The following AGMO variants were observed in gnomAD, a reference collection of about 807,000 sequenced individuals.
AGMO encodes alkylglycerol monooxygenase.
AGMO carries 75 observed loss-of-function variants against 60.2 expected under a neutral mutation model. The observed-to-expected ratio is 1.25, with a 90% CI of 1.03 to 1.51. AGMO has a LOEUF of 1.51. AGMO is among the 40% of genes most tolerant of loss of function. The probability of loss-of-function intolerance (pLI) is 0.00; values close to 1 mark genes in which losing one functional copy is unlikely to be tolerated. For synonymous variants in AGMO, 261 were observed against 177.1 expected (o/e 1.47, Z -3.76); for missense variants, 763 against 525.5 (o/e 1.45, Z -4.42).
chr7:15,242,745 G>A (rs956437114), intron 12 of AGMO, among the ~76,000 whole-genome samples: 7 of 151,594 alleles, frequency 4.6e-5, no homozygotes, highest in Admixed American at 1.3e-4. Flanking sequence ...AAAACTTCAG[G>A]GGAAAACACA....
intron 12 of AGMO, among the ~76,000 whole-genome samples, chr7:15,297,622 T>C: frequency 6.6e-6 from 1 of 152,280 alleles, no homozygotes; most frequent in South Asian, 2.1e-4. Context: ...AATATCTAAC[T>C]AGCTTAATCC....
At chr7:15,461,208 C>G (rs1782132429) in intron 3 of AGMO, among the ~76,000 whole-genome samples, 1 of 151,984 alleles carries the variant, frequency 6.6e-6, no homozygotes, top group Admixed American at 6.6e-5. Flanking sequence ...CTCATTATCA[C>G]AATGCTGTAT....
chr7:15,561,053 T>A (rs953465626), intron 1 of AGMO, among the ~76,000 whole-genome samples: 1 of 152,198 alleles, frequency 6.6e-6, no homozygotes, highest in Non-Finnish European at 1.5e-5. Flanking sequence ...GAACTCTCAA[T>A]AACATATTCT....
chr7:15,212,219 C>G (rs538986271), intron 12 of AGMO, among the ~76,000 whole-genome samples: 1 of 150,258 alleles, frequency 6.7e-6, no homozygotes, highest in African/African-American at 2.4e-5. Context: ...TCTATCCATT[C>G]ACTATTTATT....
chr7:15,414,595 TCCTTG>T (rs1291798889), intron 5 of AGMO, among the ~76,000 whole-genome samples: 1 of 151,104 alleles, frequency 6.6e-6, no homozygotes, highest in Non-Finnish European at 1.5e-5. Context: ...ACCATCTAGC[TCCTTG>T]CCAGAGCAAT....
intron 3 of AGMO, among the ~76,000 whole-genome samples, chr7:15,475,068 A>T (rs1782558060): frequency 6.6e-6 from 1 of 152,178 alleles, no homozygotes; most frequent in Non-Finnish European, 1.5e-5. Flanking sequence ...ATGTAGAGAA[A>T]TAGGAACGCA....
chr7:15,407,783 C>T (rs12532854), intron 5 of AGMO, among the ~76,000 whole-genome samples: 14,679 of 151,400 alleles, frequency 0.097, 840 homozygotes, highest in South Asian at 0.15. Context: ...ACTTTTTTTG[C>T]TATCATGGAA....
chr7:15,360,458 A>G (rs1782705497), intron 12 of AGMO, among the ~76,000 whole-genome samples: 1 of 152,240 alleles, frequency 6.6e-6, no homozygotes, highest in Non-Finnish European at 1.5e-5. Flanking sequence ...TGTATGCTGA[A>G]TGTATGATAC....
intron 5 of AGMO, among the ~76,000 whole-genome samples, chr7:15,400,367 G>C (rs891421169): frequency 1.3e-5 from 2 of 152,128 alleles, no homozygotes; most frequent in Non-Finnish European, 2.9e-5. Context: ...GGTGGGTTTA[G>C]TGCTGTTAAA....
rs1203477053 is a variant in AGMO, at chr7:15,453,089, T to G, written c.410-21981A>C. Among the ~76,000 whole-genome samples, 7 of 151,296 alleles carry G rather than the reference T, an allele frequency of 4.6e-5. No individual in the cohort carries two copies. The South Asian group carries it at 1.5e-3, about 31-fold the overall frequency. On this transcript the variant is annotated intron_variant, in intron 3 of 12. Coordinates refer to ENST00000342526, the MANE Select transcript of AGMO (RefSeq NM_001004320.2). ...GGGAGGGAGGGGAAATGGGAAGTCA[T>G]TGCTAATGGGCACCAGATCTCCTTG...
intron 5 of AGMO, among the ~76,000 whole-genome samples, chr7:15,412,547 A>G (rs1780642689): frequency 2.0e-5 from 3 of 152,004 alleles, no homozygotes; most frequent in African/African-American, 7.2e-5. Flanking sequence ...AACCTGATGA[A>G]AAACTCAGAG....
chr7:15,335,404 G>A (rs1781625689), intron 12 of AGMO, among the ~76,000 whole-genome samples: 1 of 152,078 alleles, frequency 6.6e-6, no homozygotes, highest in African/African-American at 2.4e-5. Flanking sequence ...TGATCTAAGT[G>A]GAAATATTTC....
chr7:15,310,230 A>C (rs559255427), intron 12 of AGMO, among the ~76,000 whole-genome samples: 30 of 152,112 alleles, frequency 2.0e-4, no homozygotes, highest in Non-Finnish European at 3.7e-4. Flanking sequence ...AAAAGTGCTC[A>C]AAAAAATCAC....
intron 3 of AGMO, among the ~76,000 whole-genome samples, chr7:15,458,867 C>A (rs1310031259): frequency 6.6e-6 from 1 of 152,178 alleles, no homozygotes; most frequent in Non-Finnish European, 1.5e-5. Flanking sequence ...ACCACCATTG[C>A]AAGATGTTCT....
intron 12 of AGMO, among the ~76,000 whole-genome samples, chr7:15,309,213 G>A (rs540070449): frequency 2.0e-5 from 3 of 152,222 alleles, no homozygotes; most frequent in African/African-American, 7.2e-5. Flanking sequence ...ACAGGCACAC[G>A]TAATGAAGAA....
intron 12 of AGMO, among the ~76,000 whole-genome samples, chr7:15,304,533 A>G (rs950302171): frequency 3.9e-5 from 6 of 152,076 alleles, no homozygotes; most frequent in South Asian, 2.1e-4. Context: ...TTACAGAAAT[A>G]TAAGGAAGAT....
intron 3 of AGMO, among the ~76,000 whole-genome samples, chr7:15,481,395 T>G (rs1448362654): frequency 6.6e-6 from 1 of 151,922 alleles, no homozygotes; most frequent in African/African-American, 2.4e-5. Flanking sequence ...AAGCTTAACA[T>G]GAAGAAGAGC....
chr7:15,280,961 T>C (rs1163804006), intron 12 of AGMO, among the ~76,000 whole-genome samples: 3 of 152,300 alleles, frequency 2.0e-5, no homozygotes, highest in East Asian at 3.9e-4. Context: ...GGATTTCTTG[T>C]AGACATTCCC....
intron 3 of AGMO, among the ~76,000 whole-genome samples, chr7:15,531,479 T>C (rs1184008479): frequency 2.0e-5 from 1 of 50,028 alleles, no homozygotes; most frequent in African/African-American, 8.8e-5. Flanking sequence ...ATATATTCTC[T>C]ATATATATTC....
Sources: gnomAD v4.1 joint callset for allele counts (sites outside exome capture counted in the v4.1 genomes callset) on GRCh38, gnomAD v4.1.1 for gene constraint, MANE v1.5 for transcripts, NCBI Gene and HGNC (gene_info 2026-07-23, HGNC 2026-07-21) for gene names.